SULT1B1: variants seen among roughly 807,000 people sequenced by gnomAD.
SULT1B1 encodes sulfotransferase 1B1.
A neutral mutation model predicts 34.6 loss-of-function variants in SULT1B1; 28 were observed. That is an observed-to-expected ratio of 0.81 (90% CI 0.60 to 1.11). The LOEUF (loss-of-function observed/expected upper bound fraction) is 1.11. Among genes scored for constraint, SULT1B1 ranks in the 50% least tolerant of loss-of-function variants. The pLI is 0.00. For missense variants in SULT1B1, 374 were observed against 352.2 expected (o/e 1.06, Z -0.50); for synonymous variants, 147 against 110.2 (o/e 1.33, Z -2.09).
At position 69,724,385 on chromosome 4, in the gene SULT1B1, T is replaced by C. The variant is rs1717743059; in HGVS notation, c.*2703A>G. On this transcript the variant is annotated 3_prime_UTR_variant, in exon 8 of 8. Coordinates refer to ENST00000310613, the MANE Select transcript of SULT1B1 (RefSeq NM_014465.4). ...TGAAATAAAAGAGGATACAAACAAA[T>C]AGAAGAACATTCCATGCTCATGGAT... is the stretch of plus-strand genomic sequence containing the variant. 6.6e-6 allele frequency: 1 copy of C among 152,176 alleles called. No individual in the cohort carries two copies. Among genetic ancestry groups the C allele is most frequent in the Non-Finnish European group, 1.5e-5 (1 of 68,064 alleles). The allele number at this position is 152,176 out of a possible 1,614,324, so 9.4% of individuals were successfully genotyped here.
intron 1 of SULT1B1, among the ~76,000 whole-genome samples, chr4:69,757,016 G>A (rs1198956821): frequency 6.6e-6 from 1 of 151,466 alleles, no homozygotes. Context: ...TTTTTCATCA[G>A]ACATCTGGGT....
At chr4:69,735,638 T>C (rs1274941800) in intron 4 of SULT1B1, among the ~76,000 whole-genome samples, 2 of 152,238 alleles carry the variant, frequency 1.3e-5, no homozygotes, top group African/African-American at 4.8e-5. Flanking sequence ...CTTATACTCC[T>C]TTTATGTGGC....
At chr4:69,728,912 A>G (rs2110016235) in intron 7 of SULT1B1, among the ~76,000 whole-genome samples, 1 of 152,060 alleles carries the variant, frequency 6.6e-6, no homozygotes, top group Admixed American at 6.6e-5. Flanking sequence ...TGACCACAAA[A>G]GTATGTTCTT....
intron 4 of SULT1B1, among the ~76,000 whole-genome samples, chr4:69,749,083 A>G (rs1434679329): frequency 6.6e-6 from 1 of 152,084 alleles, no homozygotes; most frequent in East Asian, 1.9e-4. Flanking sequence ...TAGCTTTAAT[A>G]ATATCAATAA....
chr4:69,754,868 A>T, intron 2 of SULT1B1, 70 bp from the exon 3 acceptor site: 1 of 1,524,090 alleles, frequency 6.6e-7, no homozygotes, highest in Non-Finnish European at 8.9e-7. Flanking sequence ...AATTTATTGG[A>T]AACACTACCA....
intron 4 of SULT1B1, among the ~76,000 whole-genome samples, chr4:69,746,571 C>A (rs1159235426): frequency 6.6e-6 from 1 of 152,096 alleles, no homozygotes; most frequent in Non-Finnish European, 1.5e-5. Context: ...TGTTCTTTCT[C>A]AACGTGTCTA....
At chr4:69,737,987 C>A (rs1424920180) in intron 4 of SULT1B1, among the ~76,000 whole-genome samples, 19 of 152,098 alleles carry the variant, frequency 1.2e-4, no homozygotes, top group Non-Finnish European at 1.2e-4. Flanking sequence ...ACCTGATAGG[C>A]AGTTTTTTGA....
intron 4 of SULT1B1, among the ~76,000 whole-genome samples, chr4:69,739,492 G>A (rs905049546): frequency 6.6e-6 from 1 of 152,190 alleles, no homozygotes; most frequent in African/African-American, 2.4e-5. Context: ...AGCCACAGTT[G>A]GAAGGTCTGG....
chr4:69,752,958 C>G (rs1328583203), intron 3 of SULT1B1, among the ~76,000 whole-genome samples: 1 of 152,158 alleles, frequency 6.6e-6, no homozygotes, highest in Admixed American at 6.5e-5. Context: ...GCTAGCTTCT[C>G]TTTCTCACCT....
rs573895455 is a variant in SULT1B1 at position 69,727,258 on chromosome 4, G to A, written c.779-58C>T. 89 of 1,355,152 alleles carry A rather than the reference G, an allele frequency of 6.6e-5. 1 individual carries two copies. The East Asian group carries it at 2.2e-3, about 33-fold the overall frequency. The allele number at this position is 1,355,152 out of a possible 1,614,324, so 83.9% of individuals were successfully genotyped here. On this transcript the variant is annotated intron_variant, in intron 7 of 7. Coordinates refer to ENST00000310613, the MANE Select transcript of SULT1B1 (RefSeq NM_014465.4). ...AAAATATTTCCATAAGAAGAAATCA[G>A]TATATACCAAAGGAAAAGATTAGAA...
Position 69,755,225 on chromosome 4 carries a change from C to T in SULT1B1, c.-8G>A, listed in dbSNP as rs1719144615. Reference sequence around the variant, plus strand: ...ATCTTTTGGGGAAAGCATTTTAATACCAGATTGTACAAATATATAATAGAT... The same window carrying T: ...ATCTTTTGGGGAAAGCATTTTAATATCAGATTGTACAAATATATAATAGAT... On this transcript the variant is annotated 5_prime_UTR_variant, in exon 2 of 8. Transcript: ENST00000310613. 5 of 1,611,880 alleles carry T rather than the reference C, an allele frequency of 3.1e-6. No individual in the cohort carries two copies. Among genetic ancestry groups the T allele is most frequent in the East Asian group, 2.2e-5 (1 of 44,826 alleles).
Position 69,734,223 on chromosome 4 carries a change from T to C in SULT1B1, c.417A>G (p.Ser139=), listed in dbSNP as rs536777076. The C allele has an allele frequency of 7.4e-6, 12 of 1,613,190 alleles. No homozygotes were observed. In the East Asian group the frequency reaches 2.0e-4, roughly 27 times the overall value. ...LARNAKDVSV[S]YYHFDLMNNL... is the part of the protein sequence containing the mutation. ...TATTCATTAAGTCAAAATGGTAATA[T>C]GAGACTGAAACATCCTTGGCATTAC... Residue 139 remains serine (S), a synonymous_variant, in exon 5 of 8, where the codon TCA becomes TCG. Transcript: ENST00000310613.
intron 2 of SULT1B1, 32 bp downstream of exon 2, chr4:69,755,038 C>T (rs763033320): frequency 3.8e-6 from 6 of 1,563,392 alleles, no homozygotes; most frequent in Admixed American, 1.8e-5. Context: ...AAAATGAGGT[C>T]GGACTTGAAT....
intron 3 of SULT1B1, among the ~76,000 whole-genome samples, chr4:69,751,748 G>A (rs79499034): frequency 0.047 from 7,083 of 152,230 alleles, 236 homozygotes; most frequent in East Asian, 0.093. Context: ...CACCGCGCCC[G>A]GCCTAGAGTA....
In SULT1B1 at chr4:69,724,691, G is replaced by C. The variant is rs182515639; in HGVS notation, c.*2397C>G. The C allele has an allele frequency of 6.6e-6, 1 of 152,320 alleles. No individual in the cohort carries two copies. Among genetic ancestry groups the C allele is most frequent in the East Asian group, 1.9e-4 (1 of 5,174 alleles). 9.4% of individuals were successfully genotyped at this position (152,320 alleles called of 1,614,324 possible). A position where few individuals can be genotyped will look rare whatever the true frequency, so the allele number is the denominator to read the frequency against. On this transcript the variant is annotated 3_prime_UTR_variant, in exon 8 of 8. Coordinates refer to ENST00000310613, the MANE Select transcript of SULT1B1 (RefSeq NM_014465.4). ...AACAGAGATATAGACCAATGGAACA[G>C]AACAGAGCCCTCAGAAATAATACTA... is the stretch of plus-strand genomic sequence containing the variant.
chr4:69,738,106 A>T (rs1182190019), intron 4 of SULT1B1, among the ~76,000 whole-genome samples: 1 of 152,172 alleles, frequency 6.6e-6, no homozygotes, highest in East Asian at 1.9e-4. Flanking sequence ...AAGTGAGAAT[A>T]TATGGTATTT....
At chr4:69,759,927 A>G (rs1208754676) in intron 1 of SULT1B1, among the ~76,000 whole-genome samples, 1 of 152,236 alleles carries the variant, frequency 6.6e-6, no homozygotes, top group Non-Finnish European at 1.5e-5. Flanking sequence ...GTTTTAGAAG[A>G]AACTGAGTCA....
intron 6 of SULT1B1, among the ~76,000 whole-genome samples, chr4:69,731,664 C>T (rs759069725): frequency 6.6e-6 from 1 of 152,026 alleles, no homozygotes; most frequent in African/African-American, 2.4e-5. Flanking sequence ...TTAAACTTCT[C>T]TATAATATTA....
In SULT1B1 at chr4:69,734,541, C is replaced by T. The variant is rs577479318; in HGVS notation, c.376-277G>A. Among the ~76,000 whole-genome samples, 7 of 152,242 alleles carry T rather than the reference C, an allele frequency of 4.6e-5. No homozygotes were observed. In the South Asian group the frequency reaches 1.5e-3, roughly 32 times the overall value. ...GACACTGTGAAGCATTAATAGACCACTGTGGCTTCTGGAAGATCTGCAAGG... is the reference window on the plus strand; with the variant it reads ...GACACTGTGAAGCATTAATAGACCATTGTGGCTTCTGGAAGATCTGCAAGG... On this transcript the variant is annotated intron_variant, in intron 4 of 7. Coordinates refer to ENST00000310613, the MANE Select transcript of SULT1B1 (RefSeq NM_014465.4).
Sources: allele counts gnomAD v4.1 joint callset (sites outside exome capture counted in the v4.1 genomes callset), GRCh38; gene constraint gnomAD v4.1.1; transcripts MANE v1.5; gene names NCBI Gene and HGNC (gene_info 2026-07-23, HGNC 2026-07-21).